The following OSBPL9 variants were observed in gnomAD, a reference collection of about 807,000 sequenced individuals.
OSBPL9 encodes oxysterol binding protein like 9.
In OSBPL9, 40 loss-of-function variants were observed where a neutral mutation model predicts 106.6. That is an observed-to-expected ratio of 0.38 (90% CI 0.29 to 0.49). The LOEUF is 0.49. Ranked by LOEUF, OSBPL9 falls within the 20% of genes least tolerant of loss-of-function variation. The pLI, the probability that OSBPL9 is intolerant of heterozygous loss-of-function variation, is 0.97. For missense variants in OSBPL9, 609 were observed against 887.2 expected (o/e 0.69, Z 3.98); for synonymous variants, 269 against 295.4 (o/e 0.91, Z 0.92).
intron 16 of OSBPL9, 108 bp from the exon 17 acceptor site, chr1:51,782,451 T>C (rs1676605696): frequency 4.1e-6 from 3 of 733,946 alleles, no homozygotes; most frequent in Non-Finnish European, 4.4e-6. Context: ...AATATATATA[T>C]AGGGTGCTTG....
At position 51,617,204 on chromosome 1, in the gene OSBPL9, C is replaced by G; in HGVS notation, c.94C>G (p.Leu32Val). ...RWFVLDYNAGLLSYYTSKDKM... is the reference protein window; with the variant it reads ...RWFVLDYNAGVLSYYTSKDKM... Reference sequence around the variant, plus strand: ...GTTCGTGCTGGACTACAATGCAGGACTGCTCTCCTACTACACGGTGAGTCC... The same window carrying G: ...GTTCGTGCTGGACTACAATGCAGGAGTGCTCTCCTACTACACGGTGAGTCC... Residue 32 changes from leucine (L) to valine (V), a missense_variant, in exon 1 of 24, where the codon CTG (leucine) becomes GTG (valine). Transcript: ENST00000428468. 1.2e-6 allele frequency: 2 copies of G among 1,612,920 alleles called. No individual in the cohort carries two copies. The highest frequency in any genetic ancestry group is 1.7e-6 in the Non-Finnish European group (2 of 1,179,528).
intron 2 of OSBPL9, among the ~76,000 whole-genome samples, chr1:51,662,311 G>C (rs1056398298): frequency 6.6e-6 from 1 of 152,276 alleles, no homozygotes; most frequent in East Asian, 1.9e-4. Flanking sequence ...GAAAAAGAGA[G>C]AGAGAGACAG....
At chr1:51,775,759 C>T (rs1293046527) in intron 14 of OSBPL9, among the ~76,000 whole-genome samples, 6 of 151,948 alleles carry the variant, frequency 3.9e-5, no homozygotes, top group Admixed American at 6.6e-5. Context: ...TACGGGTGTG[C>T]GCCACCACAC....
intron 9 of OSBPL9, chr1:51,756,613 G>A: frequency 2.4e-6 from 1 of 423,462 alleles, no homozygotes; most frequent in South Asian, 3.5e-5. Flanking sequence ...GGTTAATCAT[G>A]GTATGAATAC....
At chr1:51,519,371 C>G in the OSBPL9 span, 2 of 319,288 alleles carry the variant, frequency 6.3e-6, no homozygotes, top group East Asian at 4.9e-5. Flanking sequence ...CTTCCCTCCC[C>G]ACGCCCGCCC....
intron 11 of OSBPL9, among the ~76,000 whole-genome samples, chr1:51,764,991 G>A (rs1370410758): frequency 2.6e-5 from 4 of 152,212 alleles, no homozygotes; most frequent in Admixed American, 6.5e-5. Flanking sequence ...GACATCTGTA[G>A]ATTAGTATAA....
chr1:51,635,234 A>T (rs1427993007), intron 1 of OSBPL9, among the ~76,000 whole-genome samples: 1 of 152,108 alleles, frequency 6.6e-6, no homozygotes, highest in Non-Finnish European at 1.5e-5. Context: ...AGTTAGGAAG[A>T]TCCCTTGAGC....
At chr1:51,549,028 A>G in the OSBPL9 span, among the ~76,000 whole-genome samples, 1 of 152,148 alleles carries the variant, frequency 6.6e-6, no homozygotes, top group African/African-American at 2.4e-5. Context: ...CTTTTTCACA[A>G]CAGGAAGACT....
intron 23 of OSBPL9, 39 bp downstream of exon 23, chr1:51,787,527 C>A (rs758294312): frequency 6.2e-7 from 1 of 1,610,968 alleles, no homozygotes; most frequent in Non-Finnish European, 8.5e-7. Flanking sequence ...TGCTGTTCCT[C>A]CTAATTTATT....
the OSBPL9 span, among the ~76,000 whole-genome samples, chr1:51,531,639 T>C: frequency 6.6e-6 from 1 of 152,242 alleles, no homozygotes. Flanking sequence ...ATTTGGCCTT[T>C]GACTAAATTT....
At chr1:51,636,124 A>G (rs1557618147) in intron 1 of OSBPL9, among the ~76,000 whole-genome samples, 1 of 133,564 alleles carries the variant, frequency 7.5e-6, no homozygotes, top group African/African-American at 2.8e-5. Flanking sequence ...TCTAAAATCA[A>G]TCCTTCCTTC....
intron 12 of OSBPL9, among the ~76,000 whole-genome samples, chr1:51,771,437 C>A (rs1196159300): frequency 6.6e-6 from 1 of 152,044 alleles, no homozygotes; most frequent in East Asian, 1.9e-4. Context: ...CGAGTCCATC[C>A]TGGGCAACAT....
At chr1:51,556,078 G>A in the OSBPL9 span, among the ~76,000 whole-genome samples, 8 of 151,620 alleles carry the variant, frequency 5.3e-5, no homozygotes, top group South Asian at 4.2e-4. Context: ...GTGTGATCTC[G>A]GGCAAGTTTG....
Position 51,701,598 on chromosome 1 carries a change from TC to T in OSBPL9, c.242-12404del, listed in dbSNP as rs377311187. ...CTAGAGTATTGTATTTGTATATGGTTCTTTTTTTTTGGCCTATCCTTTCACT... is the reference window on the plus strand; with the variant it reads ...CTAGAGTATTGTATTTGTATATGGTTTTTTTTTTTGGCCTATCCTTTCACT... On this transcript the variant is annotated intron_variant, in intron 3 of 23. Coordinates refer to ENST00000428468, the MANE Select transcript of OSBPL9 (RefSeq NM_024586.6). Among the ~76,000 whole-genome samples, 115 of 152,312 alleles carry T rather than the reference TC, an allele frequency of 7.6e-4. 1 individual carries two copies. The highest frequency in any genetic ancestry group is 2.7e-3 in the African/African-American group (113 of 41,576).
intron 1 of OSBPL9, among the ~76,000 whole-genome samples, chr1:51,579,055 A>T (rs896463133): frequency 6.5e-5 from 9 of 139,394 alleles, no homozygotes; most frequent in African/African-American, 2.1e-4. Flanking sequence ...CTTCAGCAGA[A>T]TTTTTTTTTT....
chr1:51,602,657 G>C (rs1370175492), intron 2 of OSBPL9, among the ~76,000 whole-genome samples: 1 of 150,886 alleles, frequency 6.6e-6, no homozygotes, highest in Non-Finnish European at 1.5e-5. Context: ...TATTGCCCTA[G>C]TTGGTCTCAA....
At chr1:51,531,605 G>C in the OSBPL9 span, among the ~76,000 whole-genome samples, 2 of 152,314 alleles carry the variant, frequency 1.3e-5, no homozygotes, top group East Asian at 3.9e-4. Flanking sequence ...TATGGAAGAA[G>C]CCAATTTAGA....
At chr1:51,623,894 A>G (rs1014583586) in intron 1 of OSBPL9, among the ~76,000 whole-genome samples, 2 of 152,064 alleles carry the variant, frequency 1.3e-5, no homozygotes, top group Admixed American at 1.3e-4. Context: ...GAATATATCA[A>G]ATATGATTTT....
intron 1 of OSBPL9, among the ~76,000 whole-genome samples, chr1:51,581,279 T>G (rs1645220274): frequency 6.6e-6 from 1 of 151,944 alleles, no homozygotes; most frequent in South Asian, 2.1e-4. Flanking sequence ...AGATAGAGGT[T>G]ATAGGTTTTG....
Sources: gnomAD v4.1 joint callset for allele counts (sites outside exome capture counted in the v4.1 genomes callset) on GRCh38, gnomAD v4.1.1 for gene constraint, MANE v1.5 for transcripts, NCBI Gene and HGNC (gene_info 2026-07-23, HGNC 2026-07-21) for gene names.